Variants in INTS10 observed in about 807,000 individuals in gnomAD.
INTS10 encodes integrator complex subunit 10.
A neutral mutation model predicts 94.4 loss-of-function variants in INTS10; 44 were observed. The observed-to-expected ratio is 0.47, with a 90% CI of 0.37 to 0.60. The LOEUF (loss-of-function observed/expected upper bound fraction) is 0.60. Ranked by LOEUF, INTS10 falls within the 20% of genes least tolerant of loss-of-function variation. The pLI, the probability that INTS10 is intolerant of heterozygous loss-of-function variation, is 0.00. For missense variants in INTS10, 797 were observed against 868.7 expected, an observed-to-expected ratio of 0.92 and a Z score of 1.04; for synonymous variants, 341 against 320.7, an observed-to-expected ratio of 1.06 and a Z score of -0.68.
chr8:19,824,509 A>G (rs2066639401), intron 7 of INTS10: 1 of 268,234 alleles, frequency 3.7e-6, no homozygotes, highest in Non-Finnish European at 6.9e-6. Flanking sequence ...GAAAAAAAAA[A>G]AGAAAAACAG....
Position 19,832,058 on chromosome 8 carries a change from C to T in INTS10, c.1325C>T (p.Thr442Met), listed in dbSNP as rs200006596. 72 of 1,606,586 alleles carry T rather than the reference C, an allele frequency of 4.5e-5. No individual in the cohort carries two copies. Among genetic ancestry groups the T allele is most frequent in the East Asian group, 2.2e-5 (1 of 44,872 alleles). ...EFTRICLAWKTDTWLWLRIFL... is the reference protein window; with the variant it reads ...EFTRICLAWKMDTWLWLRIFL... ...ACAAGGATTTGCTTGGCCTGGAAGA[C>T]GGATACTTGGCTTTGGTTAAGAATC... The change falls in exon 11 of 17, where the codon ACG becomes ATG. Residue 442 changes from threonine to methionine, a missense_variant. Around this residue, in one of 3 missense-constraint regions of INTS10, gnomAD observed 734 missense variants for 787.8 expected, o/e 0.93. Transcript: ENST00000397977.
chr8:19,826,900 G>A (rs762900101), intron 9 of INTS10, among the ~76,000 whole-genome samples: 28 of 152,202 alleles, frequency 1.8e-4, no homozygotes, highest in Non-Finnish European at 3.1e-4. Flanking sequence ...GAATGGCATC[G>A]ATTCAGTTTA....
chr8:19,828,406 T>C (rs2066969404), intron 9 of INTS10, among the ~76,000 whole-genome samples: 1 of 152,212 alleles, frequency 6.6e-6, no homozygotes, highest in African/African-American at 2.4e-5. Context: ...TGGCTGGTGC[T>C]GGGACAGGCC....
intron 6 of INTS10, 85 bp downstream of exon 6, chr8:19,823,526 C>T (rs2066553872): frequency 1.1e-6 from 1 of 944,070 alleles, no homozygotes; most frequent in Non-Finnish European, 1.7e-6. Context: ...TCTGATTATT[C>T]TCCTCTGGAT....
At chr8:19,833,472 A>G (rs2067404657) in intron 12 of INTS10, 151 bp downstream of exon 12, 1 of 524,292 alleles carries the variant, frequency 1.9e-6, no homozygotes. Flanking sequence ...TGAACATCAC[A>G]ATGATTTTGT....
intron 12 of INTS10, among the ~76,000 whole-genome samples, chr8:19,834,148 G>T (rs2067466614): frequency 6.6e-6 from 1 of 152,194 alleles, no homozygotes; most frequent in African/African-American, 2.4e-5. Flanking sequence ...ACCTACCACA[G>T]TACAATAAGT....
chr8:19,835,877 G>A (rs1450570723), intron 12 of INTS10, among the ~76,000 whole-genome samples: 1 of 152,170 alleles, frequency 6.6e-6, no homozygotes, highest in African/African-American at 2.4e-5. Flanking sequence ...GTTACTTTCA[G>A]GATGTGCCAC....
chr8:19,819,780 T>A, intron 3 of INTS10, 104 bp downstream of exon 3: 2 of 802,248 alleles, frequency 2.5e-6, no homozygotes, highest in Non-Finnish European at 4.1e-6. Context: ...ACCATATGTA[T>A]GTTTTATTCT....
chr8:19,826,919 A>C (rs2066843293), intron 9 of INTS10, among the ~76,000 whole-genome samples: 1 of 152,160 alleles, frequency 6.6e-6, no homozygotes, highest in South Asian at 2.1e-4. Flanking sequence ...TAAACAACAA[A>C]AGCAAAATGG....
chr8:19,833,087 C>T (rs745573180), intron 11 of INTS10, 82 bp from the exon 12 acceptor site: 33 of 1,265,278 alleles, frequency 2.6e-5, no homozygotes, highest in Middle Eastern at 2.0e-4. Context: ...CTCGTTGCTT[C>T]GTGAACCCTG....
In INTS10 at chr8:19,833,242, T is replaced by C; in HGVS notation, c.1451T>C (p.Ile484Thr). The change falls in exon 12 of 17, where the codon ATC (isoleucine) becomes ACC (threonine). Residue 484 changes from isoleucine (I) to threonine (T), a missense_variant. Around this residue, in one of 3 missense-constraint regions of INTS10, gnomAD observed 734 missense variants for 787.8 expected, o/e 0.93. Coordinates refer to ENST00000397977, the MANE Select transcript of INTS10 (RefSeq NM_018142.4). ...ALQGSISQPQ[I>T]TGQGTLEHQR... The stretch of plus-strand genomic sequence containing the variant: ...CAGGGATCCATTTCTCAGCCACAGA[T>C]CACAGGGCAGGGGACCCTGGAGCAT... The C allele has an allele frequency of 6.2e-7, 1 of 1,613,120 alleles. No individual in the cohort carries two copies. Among genetic ancestry groups the C allele is most frequent in the Non-Finnish European group, 8.5e-7 (1 of 1,179,520 alleles).
At chr8:19,834,950 G>A (rs1264761236) in intron 12 of INTS10, among the ~76,000 whole-genome samples, 1 of 152,006 alleles carries the variant, frequency 6.6e-6, no homozygotes, top group Non-Finnish European at 1.5e-5. Flanking sequence ...ATAAGGGCAC[G>A]AATCCCATTC....
rs201775695 is a variant in INTS10, at chr8:19,830,383, T to C, written c.1141-23T>C. The C allele has an allele frequency of 8.1e-6, 13 of 1,600,614 alleles. No individual in the cohort carries two copies. In the African/African-American group the frequency reaches 1.1e-4, roughly 13 times the overall value. Reference sequence around the variant, plus strand: ...ACTATATTTATAACTGAATTAACCATGTTCTCCACATTCTTTAAGCAGAGT... The same window carrying C: ...ACTATATTTATAACTGAATTAACCACGTTCTCCACATTCTTTAAGCAGAGT... On this transcript the variant is annotated intron_variant, in intron 9 of 16. Coordinates refer to ENST00000397977, the MANE Select transcript of INTS10 (RefSeq NM_018142.4).
Position 19,842,877 on chromosome 8 carries a change from A to C in INTS10, c.1669A>C (p.Ser557Arg), listed in dbSNP as rs2068245775. ...GSDLKLLPCT[S>R]KAIMPYCLHL... ...GGATCTGAAGCTCCTGCCTTGTACC[A>C]GCAAGGCTATCATGCCATACTGCCT... The change falls in exon 14 of 17, where the codon AGC becomes CGC. Residue 557 changes from serine to arginine, a missense_variant. Physicochemically the swap from Ser to Arg is moderately radical, Grantham distance 110. Around this residue, in one of 3 missense-constraint regions of INTS10, gnomAD observed 734 missense variants for 787.8 expected, o/e 0.93. Coordinates refer to ENST00000397977, the MANE Select transcript of INTS10 (RefSeq NM_018142.4). The C allele has an allele frequency of 1.2e-6, 2 of 1,613,152 alleles. No individual in the cohort carries two copies. Among genetic ancestry groups the C allele is most frequent in the African/African-American group, 2.7e-5 (2 of 74,904 alleles).
Position 19,851,858 on chromosome 8 carries a change from A to G in INTS10, c.*53A>G. The G allele has an allele frequency of 6.5e-7, 1 of 1,531,658 alleles. No homozygotes were observed. Among genetic ancestry groups the G allele is most frequent in the African/African-American group, 1.4e-5 (1 of 73,326 alleles). 94.9% of individuals were successfully genotyped at this position (1,531,658 alleles called of 1,614,324 possible). The stretch of plus-strand genomic sequence containing the variant: ...CGGGCCTGTGTAATTGTAGGAGAAG[A>G]CACTCAGCAGTGATTGCCATGGCAC... On this transcript the variant is annotated 3_prime_UTR_variant, in exon 17 of 17. Coordinates refer to ENST00000397977, the MANE Select transcript of INTS10 (RefSeq NM_018142.4). The surrounding 1 kb of genome is among the most constrained non-coding windows in gnomAD (Gnocchi z 5.0).
chr8:19,835,012 G>A (rs1236718052), intron 12 of INTS10, among the ~76,000 whole-genome samples: 2 of 152,016 alleles, frequency 1.3e-5, no homozygotes, highest in Non-Finnish European at 2.9e-5. Context: ...TGTCCCTCCT[G>A]ATGCCCTCAC....
intron 1 of INTS10, among the ~76,000 whole-genome samples, chr8:19,817,920 T>A (rs1292100191): frequency 2.0e-5 from 3 of 151,788 alleles, no homozygotes; most frequent in African/African-American, 7.3e-5. Flanking sequence ...CCGCTTGAGG[T>A]CGGGTGTGCT....
chr8:19,843,048 C>A lies in INTS10; in HGVS notation c.1719+121C>A. 1 of 698,334 alleles carries A rather than the reference C, an allele frequency of 1.4e-6. No individual in the cohort carries two copies. The highest frequency in any genetic ancestry group is 1.7e-5 in the South Asian group (1 of 58,462). The allele number at this position is 698,334 out of a possible 1,614,324, so 43.3% of individuals were successfully genotyped here. A position where few individuals can be genotyped will look rare whatever the true frequency, so the allele number is the denominator to read the frequency against. On this transcript the variant is annotated intron_variant, in intron 14 of 16. Transcript: ENST00000397977. This position sits in a 1 kb window ranked among gnomAD's most constrained non-coding sequence, Gnocchi z 4.7. Reference sequence around the variant, plus strand: ...TAGTACTTTTGAGGGCAGGCCCAAACAGTTAGAAAAGCACATGGGCTACTA... The same window carrying A: ...TAGTACTTTTGAGGGCAGGCCCAAAAAGTTAGAAAAGCACATGGGCTACTA...
intron 13 of INTS10, among the ~76,000 whole-genome samples, chr8:19,840,889 G>A (rs1197481398): frequency 6.6e-6 from 1 of 152,160 alleles, no homozygotes; most frequent in Non-Finnish European, 1.5e-5. Flanking sequence ...TAGGAGGCAA[G>A]GCATATAATT....
Sources: gnomAD v4.1 joint callset for allele counts (sites outside exome capture counted in the v4.1 genomes callset) on GRCh38, gnomAD v4.1.1 for gene constraint, gnomAD v4.1.1 regional missense constraint, Gnocchi (gnomAD v3.1) non-coding constraint, MANE v1.5 for transcripts, NCBI Gene and HGNC (gene_info 2026-07-23, HGNC 2026-07-21) for gene names.